GALM: variants seen among roughly 807,000 people sequenced by gnomAD.
The protein encoded by GALM is galactose mutarotase.
In GALM, 43 loss-of-function variants were observed where a neutral mutation model predicts 37.4. The observed-to-expected ratio is 1.15, with a 90% CI of 0.90 to 1.48. The LOEUF (loss-of-function observed/expected upper bound fraction) is 1.48. Among genes scored for constraint, GALM ranks in the 40% most tolerant of loss-of-function variants. GALM has a pLI of 0.00. For missense variants in GALM, 456 were observed against 419.1 expected (o/e 1.09, Z -0.77); for synonymous variants, 199 against 170.6 (o/e 1.17, Z -1.30).
chr2:38,722,007 C>G (rs1666384564), intron 4 of GALM, among the ~76,000 whole-genome samples: 1 of 150,572 alleles, frequency 6.6e-6, no homozygotes, highest in Admixed American at 6.6e-5. Context: ...TTTTCACTGT[C>G]CCTCCCCAAC....
intron 4 of GALM, among the ~76,000 whole-genome samples, chr2:38,711,764 C>T (rs369182106): frequency 2.7e-5 from 4 of 147,914 alleles, no homozygotes; most frequent in South Asian, 2.2e-4. Context: ...ACTATCACCA[C>T]CATTATCACC....
At chr2:38,719,531 T>C (rs905713139) in intron 4 of GALM, among the ~76,000 whole-genome samples, 2 of 150,668 alleles carry the variant, frequency 1.3e-5, no homozygotes, top group African/African-American at 4.9e-5. Context: ...TCCCAGCACT[T>C]TGGGAGGCTG....
At chr2:38,667,268 G>GC (rs1274087094) in intron 1 of GALM, among the ~76,000 whole-genome samples, 1 of 152,158 alleles carries the variant, frequency 6.6e-6, no homozygotes, top group Admixed American at 6.5e-5. Flanking sequence ...AATTCTGCTG[G>GC]AGAGGAGGTT....
rs1269559471 is a variant in GALM, at chr2:38,734,589, G to A, written c.*1024G>A. The stretch of plus-strand genomic sequence containing the variant: ...GCCTTGCCTTTCACAGCACAGTGAG[G>A]ATGACATTGCACCAGGGACAGAGAT... On this transcript the variant is annotated 3_prime_UTR_variant, in exon 7 of 7. Transcript: ENST00000272252. 1.3e-5 allele frequency: 2 copies of A among 151,136 alleles called. No individual in the cohort carries two copies. Among genetic ancestry groups the A allele is most frequent in the Non-Finnish European group, 2.9e-5 (2 of 67,964 alleles). The allele number at this position is 151,136 out of a possible 1,614,324, so 9.4% of individuals were successfully genotyped here. A position where few individuals can be genotyped will look rare whatever the true frequency, so the allele number is the denominator to read the frequency against.
chr2:38,716,344 T>C (rs1405461669), intron 4 of GALM, among the ~76,000 whole-genome samples: 1 of 152,262 alleles, frequency 6.6e-6, no homozygotes, highest in Non-Finnish European at 1.5e-5. Flanking sequence ...ACAAAGTTTT[T>C]GCCACATTGC....
In GALM at chr2:38,666,277, C is replaced by G. The variant is rs1196840557; in HGVS notation, c.116C>G (p.Thr39Arg). ...GTGGACATCATCTCCTGGGGCTGCA[C>G]GATCACAGCCCTAGAGGTCAAAGAC... ...LRVDIISWGC[T>R]ITALEVKDRQ... Residue 39 changes from threonine (T) to arginine (R), a missense_variant, in exon 1 of 7, where the codon ACG becomes AGG. By Grantham distance (71) the Thr-to-Arg change is moderately conservative. Coordinates refer to ENST00000272252, the MANE Select transcript of GALM (RefSeq NM_138801.3). The G allele has an allele frequency of 6.2e-7, 1 of 1,613,754 alleles. No individual in the cohort carries two copies. The highest frequency in any genetic ancestry group is 8.5e-7 in the Non-Finnish European group (1 of 1,179,682).
chr2:38,697,663 A>G (rs1665839032), intron 4 of GALM, among the ~76,000 whole-genome samples: 1 of 152,208 alleles, frequency 6.6e-6, no homozygotes, highest in Non-Finnish European at 1.5e-5. Context: ...AGTGCTCAGT[A>G]AAAGGGGACC....
intron 4 of GALM, among the ~76,000 whole-genome samples, chr2:38,702,919 A>T (rs1444443085): frequency 7.4e-6 from 1 of 135,452 alleles, no homozygotes; most frequent in African/African-American, 2.7e-5. Flanking sequence ...CTTTATTTAT[A>T]TATATATACT....
chr2:38,673,682 T>C (rs373055113), intron 1 of GALM, among the ~76,000 whole-genome samples: 470 of 151,738 alleles, frequency 3.1e-3, no homozygotes, highest in South Asian at 9.6e-3. Context: ...TGGTGGCGGG[T>C]GCCTGTAGTC....
chr2:38,699,599 C>T (rs1295231448), intron 4 of GALM, among the ~76,000 whole-genome samples: 1 of 152,044 alleles, frequency 6.6e-6, no homozygotes. Flanking sequence ...GGACTGATCA[C>T]CTGAGGTCAG....
intron 4 of GALM, among the ~76,000 whole-genome samples, chr2:38,690,656 C>T (rs1665652320): frequency 6.6e-6 from 1 of 152,156 alleles, no homozygotes; most frequent in African/African-American, 2.4e-5. Context: ...TGGTCTCAAA[C>T]TCCTGGACTC....
Position 38,734,198 on chromosome 2 carries a change from A to G in GALM, c.*633A>G, listed in dbSNP as rs912308129. On this transcript the variant is annotated 3_prime_UTR_variant, in exon 7 of 7. Transcript: ENST00000272252. ...CGGATCACGAGGTCAGGAGATCGAG[A>G]CCATCCTGGCTAACACGGTGAAACC... 3 of 156,562 alleles carry G rather than the reference A, an allele frequency of 1.9e-5. No homozygotes were observed. The highest frequency in any genetic ancestry group is 4.2e-5 in the Non-Finnish European group (3 of 70,822). The allele number at this position is 156,562 out of a possible 1,614,324, so 9.7% of individuals were successfully genotyped here.
intron 2 of GALM, 29 bp from the exon 3 acceptor site, chr2:38,681,251 T>C (rs1394591254): frequency 3.2e-6 from 5 of 1,581,342 alleles, no homozygotes; most frequent in Non-Finnish European, 3.5e-6. Context: ...ATGGAGCAAC[T>C]ACACAACTTT....
chr2:38,702,478 A>G (rs1202394639), intron 4 of GALM, among the ~76,000 whole-genome samples: 1 of 151,344 alleles, frequency 6.6e-6, no homozygotes, highest in Non-Finnish European at 1.5e-5. Context: ...TACAGAGACC[A>G]CCCAATAACC....
At chr2:38,676,091 T>A (rs776932004) in intron 2 of GALM, 25 bp downstream of exon 2, 1 of 1,611,792 alleles carries the variant, frequency 6.2e-7, no homozygotes, top group South Asian at 1.1e-5. Context: ...TGTGACTGAG[T>A]TCCCTTTAGG....
At chr2:38,719,484 T>C (rs1382199260) in intron 4 of GALM, among the ~76,000 whole-genome samples, 1 of 131,542 alleles carries the variant, frequency 7.6e-6, no homozygotes, top group Admixed American at 7.9e-5. Context: ...AAAAAAAAAT[T>C]AGGATCCTGG....
chr2:38,718,114 G>A (rs1408651048), intron 4 of GALM, among the ~76,000 whole-genome samples: 1 of 151,366 alleles, frequency 6.6e-6, no homozygotes, highest in Non-Finnish European at 1.5e-5. Flanking sequence ...TGAGATTACA[G>A]GTGTGAGCCA....
At chr2:38,706,682 C>A (rs898210401) in intron 4 of GALM, among the ~76,000 whole-genome samples, 2 of 151,616 alleles carry the variant, frequency 1.3e-5, no homozygotes, top group Admixed American at 1.3e-4. Flanking sequence ...AAAGAAATAT[C>A]ACCCCAGCAA....
chr2:38,711,825 C>A (rs879012789), intron 4 of GALM, among the ~76,000 whole-genome samples: 2 of 91,040 alleles, frequency 2.2e-5, no homozygotes, highest in Non-Finnish European at 5.3e-5. Flanking sequence ...TCATCACTAT[C>A]ACCACCATCA....
Sources: allele counts gnomAD v4.1 joint callset (sites outside exome capture counted in the v4.1 genomes callset), GRCh38; gene constraint gnomAD v4.1.1; transcripts MANE v1.5; gene names NCBI Gene and HGNC (gene_info 2026-07-23, HGNC 2026-07-21).